GPM6A: variants seen among roughly 807,000 people sequenced by gnomAD.
The protein encoded by GPM6A is neuronal membrane glycoprotein M6-a.
Under a neutral mutation model 32.1 loss-of-function variants are expected in GPM6A, and 7 were observed. The ratio of observed to expected loss-of-function variants is 0.22; its 90% CI spans 0.12 to 0.41. GPM6A has a LOEUF of 0.41. Among genes scored for constraint, GPM6A ranks in the 10% least tolerant of loss-of-function variants. The probability of loss-of-function intolerance (pLI) is 1.00; values close to 1 mark genes in which losing one functional copy is unlikely to be tolerated. For synonymous variants in GPM6A, 130 were observed against 123.4 expected (o/e 1.05, Z -0.35); for missense variants, 235 against 347.2 (o/e 0.68, Z 2.57).
chr4:175,864,703 A>G (rs757694071), intron 1 of GPM6A, among the ~76,000 whole-genome samples: 90 of 152,162 alleles, frequency 5.9e-4, no homozygotes, highest in Admixed American at 1.5e-3. Context: ...CATACTATTC[A>G]TGTAATCTTT....
At chr4:175,972,734 T>C (rs935309043) in intron 1 of GPM6A, among the ~76,000 whole-genome samples, 1 of 152,228 alleles carries the variant, frequency 6.6e-6, no homozygotes, top group Non-Finnish European at 1.5e-5. Context: ...TGATGCATGC[T>C]TTTTAGTGGT....
chr4:175,975,419 G>T (rs769007653), intron 1 of GPM6A, among the ~76,000 whole-genome samples: 1 of 152,162 alleles, frequency 6.6e-6, no homozygotes, highest in Non-Finnish European at 1.5e-5. Flanking sequence ...GTAAACATCT[G>T]TGATATAACT....
chr4:175,987,667 G>T (rs1741020527), intron 1 of GPM6A, among the ~76,000 whole-genome samples: 1 of 151,702 alleles, frequency 6.6e-6, no homozygotes, highest in African/African-American at 2.4e-5. Flanking sequence ...TTTTTATTAG[G>T]CCTACAAATA....
At chr4:175,986,708 A>C (rs1312088268) in intron 1 of GPM6A, among the ~76,000 whole-genome samples, 1 of 152,180 alleles carries the variant, frequency 6.6e-6, no homozygotes, top group Non-Finnish European at 1.5e-5. Context: ...TTTTAAGTGA[A>C]CAATTTAAGT....
chr4:175,657,859 A>G (rs1175665703), intron 3 of GPM6A, among the ~76,000 whole-genome samples: 2 of 152,220 alleles, frequency 1.3e-5, no homozygotes, highest in African/African-American at 2.4e-5. Context: ...ACACTAAGGC[A>G]GGAGAACACC....
intron 1 of GPM6A, among the ~76,000 whole-genome samples, chr4:175,918,040 C>A (rs1579625873): frequency 6.6e-6 from 1 of 151,710 alleles, no homozygotes; most frequent in South Asian, 2.1e-4. Context: ...AGTAAATTAC[C>A]ATAATTCTTT....
intron 1 of GPM6A, among the ~76,000 whole-genome samples, chr4:175,772,697 T>C (rs1733238960): frequency 6.6e-6 from 1 of 152,204 alleles, no homozygotes; most frequent in African/African-American, 2.4e-5. Flanking sequence ...CACATTCTCT[T>C]GGGTTCAGCA....
intron 3 of GPM6A, among the ~76,000 whole-genome samples, chr4:175,660,587 T>C (rs1216368888): frequency 2.6e-5 from 4 of 152,080 alleles, no homozygotes; most frequent in Non-Finnish European, 5.9e-5. Context: ...AACAAAAATA[T>C]TGCTGGAAAA....
At chr4:175,702,053 T>G (rs1744910025) in intron 1 of GPM6A, among the ~76,000 whole-genome samples, 1 of 152,228 alleles carries the variant, frequency 6.6e-6, no homozygotes, top group South Asian at 2.1e-4. Flanking sequence ...ATAATTAATC[T>G]TCACCATACA....
intron 1 of GPM6A, among the ~76,000 whole-genome samples, chr4:175,745,032 A>G (rs1482671170): frequency 6.6e-6 from 1 of 152,116 alleles, no homozygotes; most frequent in African/African-American, 2.4e-5. Flanking sequence ...GAAAGTGCAA[A>G]TCGTTTTCCT....
intron 1 of GPM6A, among the ~76,000 whole-genome samples, chr4:175,846,875 T>C (rs1369536742): frequency 1.3e-5 from 2 of 152,122 alleles, no homozygotes; most frequent in African/African-American, 2.4e-5. Context: ...CATTGTGACT[T>C]AGTCACAATG....
At chr4:175,809,621 G>A (rs1734836975) in intron 1 of GPM6A, among the ~76,000 whole-genome samples, 1 of 152,056 alleles carries the variant, frequency 6.6e-6, no homozygotes, top group Non-Finnish European at 1.5e-5. Context: ...AATGGCTGGT[G>A]GGTGAAGTCA....
intron 1 of GPM6A, among the ~76,000 whole-genome samples, chr4:175,946,133 A>C (rs1311965196): frequency 6.6e-6 from 1 of 152,152 alleles, no homozygotes; most frequent in Non-Finnish European, 1.5e-5. Flanking sequence ...ATCTATAAAA[A>C]ATCTATAAAT....
chr4:175,764,609 C>T (rs1441062939), intron 1 of GPM6A, among the ~76,000 whole-genome samples: 1 of 152,000 alleles, frequency 6.6e-6, no homozygotes, highest in East Asian at 1.9e-4. Flanking sequence ...TAGAACTCAT[C>T]CTTCATATCC....
At chr4:175,972,694 T>C (rs1217496855) in intron 1 of GPM6A, among the ~76,000 whole-genome samples, 1 of 152,228 alleles carries the variant, frequency 6.6e-6, no homozygotes, top group East Asian at 1.9e-4. Context: ...GTTTTGGGCT[T>C]GTTTCTTTGC....
intron 1 of GPM6A, among the ~76,000 whole-genome samples, chr4:175,920,102 A>C (rs1738617970): frequency 6.6e-6 from 1 of 152,218 alleles, no homozygotes; most frequent in African/African-American, 2.4e-5. Flanking sequence ...GCATGTGAGT[A>C]TGTTTATGTC....
chr4:175,699,986 C>T (rs1744787355), intron 2 of GPM6A, among the ~76,000 whole-genome samples: 1 of 152,002 alleles, frequency 6.6e-6, no homozygotes, highest in African/African-American at 2.4e-5. Context: ...CCTCAGTCTC[C>T]CTAGTAGCTG....
At chr4:175,866,297 C>T (rs942101132) in intron 1 of GPM6A, among the ~76,000 whole-genome samples, 1 of 152,008 alleles carries the variant, frequency 6.6e-6, no homozygotes, top group Non-Finnish European at 1.5e-5. Flanking sequence ...ATCCAAAGTC[C>T]ATAGTTTGCC....
At chr4:175,776,719 CACTT>C (rs1276766915) in intron 1 of GPM6A, among the ~76,000 whole-genome samples, 1 of 152,192 alleles carries the variant, frequency 6.6e-6, no homozygotes. Context: ...TTCAATTTCA[CACTT>C]ACACATTATT....
Sources: allele counts gnomAD v4.1 joint callset (sites outside exome capture counted in the v4.1 genomes callset), GRCh38; gene constraint gnomAD v4.1.1; transcripts MANE v1.5; gene names NCBI Gene and HGNC (gene_info 2026-07-23, HGNC 2026-07-21).